The following STK3 variants were observed in gnomAD, a reference collection of about 807,000 sequenced individuals.
STK3 encodes the protein serine/threonine-protein kinase 3.
STK3 carries 41 observed loss-of-function variants against 58.0 expected under a neutral mutation model. The observed-to-expected ratio is 0.71, with a 90% CI of 0.55 to 0.92. STK3 has a LOEUF of 0.92. Among genes scored for constraint, STK3 ranks in the 40% least tolerant of loss-of-function variants. The probability of loss-of-function intolerance (pLI) is 0.00; values close to 1 mark genes in which losing one functional copy is unlikely to be tolerated. For synonymous variants in STK3, 170 were observed against 191.0 expected (o/e 0.89, Z 0.91); for missense variants, 479 against 602.7 (o/e 0.79, Z 2.15).
intron 8 of STK3, among the ~76,000 whole-genome samples, chr8:98,551,771 C>T (rs1034663586): frequency 4.6e-5 from 7 of 152,106 alleles, no homozygotes; most frequent in African/African-American, 9.7e-5. Flanking sequence ...TTTTGTATAG[C>T]ACCTTTACTC....
At chr8:98,934,034 G>GA (rs747968153) in intron 1 of STK3, among the ~76,000 whole-genome samples, 1 of 152,154 alleles carries the variant, frequency 6.6e-6, no homozygotes, top group Non-Finnish European at 1.5e-5. Context: ...TTGCAGTTTT[G>GA]ACTCTGCCCC....
At chr8:98,912,405 CG>C (rs1046459666) in intron 1 of STK3, among the ~76,000 whole-genome samples, 8 of 137,402 alleles carry the variant, frequency 5.8e-5, no homozygotes, top group South Asian at 4.5e-4. Context: ...CAATAACAAA[CG>C]AAAAAAAAAA....
intron 3 of STK3, among the ~76,000 whole-genome samples, chr8:98,419,401 T>C (rs1215836034): frequency 6.6e-6 from 1 of 152,052 alleles, no homozygotes; most frequent in Non-Finnish European, 1.5e-5. Flanking sequence ...AATCCCTCAC[T>C]ACATTCTTCT....
chr8:98,770,528 AC>A (rs1831241373), intron 2 of STK3, among the ~76,000 whole-genome samples: 2 of 152,176 alleles, frequency 1.3e-5, no homozygotes, highest in African/African-American at 4.8e-5. Flanking sequence ...GTTAACTGAA[AC>A]CTGGACTCAA....
chr8:98,828,453 A>C (rs992416113), upstream of STK3, among the ~76,000 whole-genome samples: 26 of 149,436 alleles, frequency 1.7e-4, no homozygotes, highest in East Asian at 2.1e-3. Flanking sequence ...AAAAAAAAAA[A>C]AAAAAAAAAA....
Position 98,458,259 on chromosome 8 carries a change from T to A in STK3, c.1318-2259A>T, listed in dbSNP as rs140841003. On this transcript the variant is annotated intron_variant, in intron 10 of 10. Coordinates refer to ENST00000419617, the MANE Select transcript of STK3 (RefSeq NM_006281.4). ...TAGGAAATGCACTGAATCTGTAGACTGCTTTGGGCAGTAAGGTCTTTTTCA... is the reference window on the plus strand; with the variant it reads ...TAGGAAATGCACTGAATCTGTAGACAGCTTTGGGCAGTAAGGTCTTTTTCA... 3.9e-5 allele frequency among the ~76,000 whole-genome samples: 6 copies of A among 152,294 alleles called. No homozygotes were observed. The East Asian group carries it at 1.2e-3, about 29-fold the overall frequency.
At chr8:98,900,468 C>T (rs186993508) in intron 1 of STK3, among the ~76,000 whole-genome samples, 223 of 152,188 alleles carry the variant, frequency 1.5e-3, no homozygotes, top group African/African-American at 5.1e-3. Flanking sequence ...GAAATCGCCC[C>T]ACATCCAATC....
chr8:98,934,527 A>C (rs1192975541), intron 1 of STK3, among the ~76,000 whole-genome samples: 1 of 152,268 alleles, frequency 6.6e-6, no homozygotes, highest in Non-Finnish European at 1.5e-5. Context: ...GAATCCTGCC[A>C]ATGCATATAG....
At chr8:98,415,611 T>C (rs938982929) in intron 3 of STK3, among the ~76,000 whole-genome samples, 3 of 152,230 alleles carry the variant, frequency 2.0e-5, no homozygotes, top group Admixed American at 6.5e-5. Flanking sequence ...TCTGACCCCT[T>C]TTCTTCTGAG....
the STK3 span, among the ~76,000 whole-genome samples, chr8:98,349,075 A>G: frequency 2.0e-5 from 3 of 152,260 alleles, no homozygotes; most frequent in Admixed American, 1.3e-4. Flanking sequence ...ATTTGGTGCT[A>G]AAGAGAAATG....
chr8:98,494,061 ATTTTTTGCAATTCTGT>A (rs1394595249), intron 10 of STK3, among the ~76,000 whole-genome samples: 26 of 152,124 alleles, frequency 1.7e-4, no homozygotes, highest in Non-Finnish European at 2.2e-4. Context: ...TCCAATCTCA[ATTTTTTGCAATTCTGT>A]TTCAAGAGGT....
chr8:98,660,490 C>T (rs946541148), intron 6 of STK3, among the ~76,000 whole-genome samples: 7 of 151,900 alleles, frequency 4.6e-5, no homozygotes, highest in African/African-American at 9.7e-5. Context: ...ATTTTTCTTA[C>T]GGGCAAAGAA....
intron 4 of STK3, among the ~76,000 whole-genome samples, chr8:98,713,940 G>A (rs149817631): frequency 0.037 from 5,587 of 152,264 alleles, 156 homozygotes; most frequent in Non-Finnish European, 0.052. Context: ...CCATGATCAA[G>A]TTGGATTCAT....
intron 7 of STK3, among the ~76,000 whole-genome samples, chr8:98,587,136 C>G (rs1267859897): frequency 6.6e-6 from 1 of 152,024 alleles, no homozygotes; most frequent in Admixed American, 6.5e-5. Flanking sequence ...TTGCCTTCTG[C>G]TAGCTTTTGA....
intron 6 of STK3, among the ~76,000 whole-genome samples, chr8:98,693,214 T>C (rs1485621628): frequency 1.3e-5 from 2 of 151,966 alleles, no homozygotes; most frequent in Non-Finnish European, 2.9e-5. Flanking sequence ...CTGGGCAACA[T>C]GGTGAACCCC....
intron 1 of STK3, among the ~76,000 whole-genome samples, chr8:98,444,601 C>T (rs1173598489): frequency 1.3e-5 from 2 of 152,086 alleles, no homozygotes; most frequent in Non-Finnish European, 2.9e-5. Flanking sequence ...GGGTGAAAGA[C>T]AATGAAGATT....
chr8:98,754,109 A>T (rs983620711), intron 3 of STK3, among the ~76,000 whole-genome samples: 1 of 152,182 alleles, frequency 6.6e-6, no homozygotes, highest in Non-Finnish European at 1.5e-5. Flanking sequence ...CATACCTTAA[A>T]TTTCCAGACA....
downstream of STK3, among the ~76,000 whole-genome samples, chr8:98,398,900 C>T (rs145139193): frequency 5.3e-5 from 8 of 152,300 alleles, no homozygotes; most frequent in East Asian, 1.4e-3. Context: ...AGTTCATCAA[C>T]AGGTAACAAA....
rs144017150 is a variant in STK3 at position 98,577,613 on chromosome 8, G to C, written c.948+2051C>G. 2.5e-3 allele frequency among the ~76,000 whole-genome samples: 374 copies of C among 152,300 alleles called. 3 individuals carry two copies. Among genetic ancestry groups the C allele is most frequent in the African/African-American group, 8.7e-3 (361 of 41,560 alleles). ...TTCTCTCTCTTGGACCACTCACTCT[G>C]AGAGCCCCTGAATGAGCCATCCTGG... On this transcript the variant is annotated intron_variant, in intron 8 of 10. Transcript: ENST00000419617.
Sources: allele counts gnomAD v4.1 joint callset (sites outside exome capture counted in the v4.1 genomes callset), GRCh38; gene constraint gnomAD v4.1.1; transcripts MANE v1.5; gene names NCBI Gene and HGNC (gene_info 2026-07-23, HGNC 2026-07-21).